DSCAM: variants seen among roughly 807,000 people sequenced by gnomAD.
The protein encoded by DSCAM is cell adhesion molecule DSCAM.
A neutral mutation model predicts 217.7 loss-of-function variants in DSCAM; 47 were observed. The ratio of observed to expected loss-of-function variants is 0.22; its 90% CI spans 0.17 to 0.28. The LOEUF is 0.28. DSCAM is among the 10% of genes least tolerant of loss of function. DSCAM has a pLI of 1.00. For missense variants in DSCAM, 2,080 were observed against 2,618.3 expected, an observed-to-expected ratio of 0.79 and a Z score of 4.49; for synonymous variants, 1,056 against 1,015.3, an observed-to-expected ratio of 1.04 and a Z score of -0.76.
chr21:40,805,056 C>G (rs1359883587), intron 1 of DSCAM, among the ~76,000 whole-genome samples: 2 of 152,282 alleles, frequency 1.3e-5, no homozygotes, highest in East Asian at 3.9e-4. Context: ...AGCTCACTTC[C>G]CCCCAACTCC....
At chr21:40,512,288 C>T (rs369156359) in intron 3 of DSCAM, among the ~76,000 whole-genome samples, 1 of 152,142 alleles carries the variant, frequency 6.6e-6, no homozygotes, top group Admixed American at 6.6e-5. Context: ...ATTCCACAAA[C>T]ACTGACTTCA....
At chr21:40,093,207 G>T (rs933351147) in intron 21 of DSCAM, among the ~76,000 whole-genome samples, 2 of 152,194 alleles carry the variant, frequency 1.3e-5, no homozygotes, top group East Asian at 1.9e-4. Flanking sequence ...ACGTACAAAT[G>T]TGAAGATATT....
intron 30 of DSCAM, among the ~76,000 whole-genome samples, chr21:40,050,438 G>T (rs531364651): frequency 8.4e-6 from 1 of 118,600 alleles, no homozygotes; most frequent in African/African-American, 3.4e-5. Context: ...ACACCAGGCA[G>T]TTCACAAGGG....
At chr21:40,660,832 A>T (rs945805534) in intron 3 of DSCAM, among the ~76,000 whole-genome samples, 1 of 152,222 alleles carries the variant, frequency 6.6e-6, no homozygotes, top group African/African-American at 2.4e-5. Context: ...TCAACCGACA[A>T]TAACAGAAAT....
intron 14 of DSCAM, among the ~76,000 whole-genome samples, chr21:40,182,506 A>G (rs1432751472): frequency 1.3e-5 from 2 of 150,690 alleles, no homozygotes; most frequent in African/African-American, 2.4e-5. Context: ...GACAGGACGG[A>G]GGCACCGGAG....
chr21:40,559,024 A>AT, intron 3 of DSCAM, among the ~76,000 whole-genome samples: 1 of 152,334 alleles, frequency 6.6e-6, no homozygotes, highest in African/African-American at 2.4e-5. Context: ...AACAGGCTTT[A>AT]TTTTTTAAGG....
chr21:40,039,776 G>T (rs1472487013), intron 32 of DSCAM, among the ~76,000 whole-genome samples: 2 of 152,102 alleles, frequency 1.3e-5, no homozygotes, highest in African/African-American at 2.4e-5. Context: ...AATTTGCAGA[G>T]AATTTCAAAG....
chr21:40,347,639 T>G (rs1303455650), intron 6 of DSCAM, 31 bp downstream of exon 6: 1 of 1,611,274 alleles, frequency 6.2e-7, no homozygotes, highest in Admixed American at 1.7e-5. Context: ...GGGTTCTTTT[T>G]CAGCCATACC....
intron 3 of DSCAM, among the ~76,000 whole-genome samples, chr21:40,514,656 T>C (rs9980603): frequency 0.4 from 60,086 of 152,070 alleles, 12,041 homozygotes; most frequent in Non-Finnish European, 0.41. Context: ...AAGATTTTTT[T>C]TCTTTATGGG....
chr21:40,661,752 GCT>G (rs1014016523), intron 3 of DSCAM, among the ~76,000 whole-genome samples: 13 of 152,148 alleles, frequency 8.5e-5, no homozygotes, highest in African/African-American at 3.1e-4. Context: ...AGGCCATTAA[GCT>G]CTCTTTTGTA....
intron 4 of DSCAM, 66 bp downstream of exon 4, chr21:40,369,033 G>C: frequency 7.0e-7 from 1 of 1,431,150 alleles, no homozygotes; most frequent in Non-Finnish European, 9.2e-7. Context: ...AATTTTGATT[G>C]AGTCGTCTCA....
intron 3 of DSCAM, among the ~76,000 whole-genome samples, chr21:40,626,605 T>G (rs2089604457): frequency 6.6e-6 from 1 of 152,236 alleles, no homozygotes; most frequent in South Asian, 2.1e-4. Flanking sequence ...TTAGTTTCAC[T>G]TGGCTCCAGC....
intron 11 of DSCAM, among the ~76,000 whole-genome samples, chr21:40,272,223 G>A (rs1322203189): frequency 6.6e-6 from 1 of 152,084 alleles, no homozygotes; most frequent in African/African-American, 2.4e-5. Context: ...AAATTTGATT[G>A]CAAGCAGAGC....
chr21:40,285,783 T>C (rs774578164), intron 10 of DSCAM, among the ~76,000 whole-genome samples: 35 of 152,310 alleles, frequency 2.3e-4, no homozygotes, highest in Admixed American at 4.6e-4. Flanking sequence ...ATGTGTGCCA[T>C]AGAGAGATGT....
At chr21:40,165,987 G>C (rs1325176279) in intron 16 of DSCAM, among the ~76,000 whole-genome samples, 1 of 152,156 alleles carries the variant, frequency 6.6e-6, no homozygotes, top group African/African-American at 2.4e-5. Context: ...CAGCTAAACA[G>C]TCATATCACG....
chr21:40,654,762 C>T (rs1364040612), intron 3 of DSCAM, among the ~76,000 whole-genome samples: 1 of 152,136 alleles, frequency 6.6e-6, no homozygotes, highest in Non-Finnish European at 1.5e-5. Context: ...TTATAATGAC[C>T]CTTGAACAAC....
At chr21:40,804,688 T>C (rs1701388872) in intron 1 of DSCAM, among the ~76,000 whole-genome samples, 1 of 152,214 alleles carries the variant, frequency 6.6e-6, no homozygotes, top group South Asian at 2.1e-4. Flanking sequence ...GTCATCTGTC[T>C]CTGCACAATC....
chr21:40,458,148 C>T (rs2075778255), intron 3 of DSCAM, among the ~76,000 whole-genome samples: 1 of 152,140 alleles, frequency 6.6e-6, no homozygotes, highest in South Asian at 2.1e-4. Context: ...AAGATTTAAA[C>T]AACATAGTTA....
chr21:40,058,942 C>G (rs1037734278), intron 28 of DSCAM, among the ~76,000 whole-genome samples: 5 of 152,184 alleles, frequency 3.3e-5, no homozygotes, highest in African/African-American at 9.7e-5. Context: ...CTTCAACCAT[C>G]CATTTATTTG....
Sources: gnomAD v4.1 joint callset for allele counts (sites outside exome capture counted in the v4.1 genomes callset) on GRCh38, gnomAD v4.1.1 for gene constraint, MANE v1.5 for transcripts, NCBI Gene and HGNC (gene_info 2026-07-23, HGNC 2026-07-21) for gene names.